Variants in OR3A2 observed in about 807,000 individuals in gnomAD.
The protein encoded by OR3A2 is olfactory receptor family 3 subfamily A member 2.
For missense variants in OR3A2, 318 were observed against 392.8 expected, an observed-to-expected ratio of 0.81 and a Z score of 1.61; for synonymous variants, 126 against 159.3, an observed-to-expected ratio of 0.79 and a Z score of 1.57.
At chr17:3,337,047 T>G (rs867459775) in intron 2 of OR3A2, among the ~76,000 whole-genome samples, 6 of 152,186 alleles carry the variant, frequency 3.9e-5, no homozygotes, top group Admixed American at 6.5e-5. Context: ...TTCATACCTC[T>G]TTCTGCTTCC....
intron 2 of OR3A2, among the ~76,000 whole-genome samples, chr17:3,367,963 G>A (rs536822375): frequency 3.3e-5 from 5 of 152,058 alleles, no homozygotes; most frequent in Non-Finnish European, 7.4e-5. Flanking sequence ...TTTCATTGTG[G>A]TTTTGATATG....
intron 2 of OR3A2, among the ~76,000 whole-genome samples, chr17:3,346,547 A>C (rs2049365006): frequency 6.6e-6 from 1 of 152,128 alleles, no homozygotes; most frequent in African/African-American, 2.4e-5. Context: ...CAATTATAGC[A>C]ATTATACTAT....
chr17:3,323,865 T>C (rs1411331185), intron 3 of OR3A2, among the ~76,000 whole-genome samples: 1 of 152,058 alleles, frequency 6.6e-6, no homozygotes, highest in African/African-American at 2.4e-5. Flanking sequence ...GGAGTATCTT[T>C]GTGGTGTTCT....
chr17:3,355,000 G>A (rs2150655996), intron 2 of OR3A2, among the ~76,000 whole-genome samples: 1 of 151,280 alleles, frequency 6.6e-6, no homozygotes, highest in Non-Finnish European at 1.5e-5. Flanking sequence ...CCTTCTCAAT[G>A]TTGTTATTGG....
chr17:3,355,061 G>C (rs937646483), intron 2 of OR3A2, among the ~76,000 whole-genome samples: 1 of 151,250 alleles, frequency 6.6e-6, no homozygotes, highest in African/African-American at 2.4e-5. Flanking sequence ...TGTTCATATA[G>C]TTCCAAAATT....
At chr17:3,370,055 G>T (rs2049599608) in intron 2 of OR3A2, among the ~76,000 whole-genome samples, 1 of 152,060 alleles carries the variant, frequency 6.6e-6, no homozygotes, top group Admixed American at 6.5e-5. Flanking sequence ...TGCCCATCTT[G>T]GCCTCCCAAA....
At chr17:3,371,671 A>G (rs1184687925) in intron 2 of OR3A2, among the ~76,000 whole-genome samples, 1 of 99,750 alleles carries the variant, frequency 1.0e-5, no homozygotes, top group African/African-American at 3.9e-5. Flanking sequence ...CACCTCCCGG[A>G]CGGGGCGGCT....
chr17:3,283,294 C>T (rs1299616615), intron 1 of OR3A2, among the ~76,000 whole-genome samples: 3 of 152,116 alleles, frequency 2.0e-5, no homozygotes, highest in Admixed American at 6.5e-5. Flanking sequence ...GGCATGACCT[C>T]GGCTCACTGC....
intron 3 of OR3A2, among the ~76,000 whole-genome samples, chr17:3,305,958 A>G (rs927564682): frequency 3.3e-5 from 5 of 152,210 alleles, no homozygotes; most frequent in African/African-American, 1.2e-4. Context: ...CCTGAAAAAT[A>G]GTACTGTGCT....
intron 2 of OR3A2, among the ~76,000 whole-genome samples, chr17:3,356,737 C>G (rs1567566353): frequency 6.6e-6 from 1 of 151,284 alleles, no homozygotes; most frequent in Non-Finnish European, 1.5e-5. Context: ...CTTTGTCCCA[C>G]TTAACAGACA....
At chr17:3,342,158 C>T (rs1020524284) in intron 2 of OR3A2, among the ~76,000 whole-genome samples, 3 of 152,128 alleles carry the variant, frequency 2.0e-5, no homozygotes, top group Non-Finnish European at 4.4e-5. Context: ...TCTAGTTAGC[C>T]ATTTGTCTAA....
chr17:3,370,024 G>C (rs189070930), intron 2 of OR3A2, among the ~76,000 whole-genome samples: 1 of 152,032 alleles, frequency 6.6e-6, no homozygotes, highest in Admixed American at 6.5e-5. Flanking sequence ...GGCTGGTCTC[G>C]AACTCATGAG....
chr17:3,374,872 C>T (rs1352628086), intron 2 of OR3A2, among the ~76,000 whole-genome samples: 1 of 151,450 alleles, frequency 6.6e-6, no homozygotes, highest in African/African-American at 2.4e-5. Context: ...CCCACCCTTT[C>T]CCCCAAGTCC....
chr17:3,367,418 C>T (rs1396483380), intron 2 of OR3A2, among the ~76,000 whole-genome samples: 1 of 144,398 alleles, frequency 6.9e-6, no homozygotes, highest in Non-Finnish European at 1.5e-5. Flanking sequence ...TATGCTTTTG[C>T]GTCCTCATAG....
chr17:3,297,151 T>G (rs1342347181), intron 3 of OR3A2, among the ~76,000 whole-genome samples: 1 of 152,210 alleles, frequency 6.6e-6, no homozygotes, highest in Non-Finnish European at 1.5e-5. Flanking sequence ...CATAAGGTGG[T>G]GGCTGTCGGA....
chr17:3,315,929 T>G (rs943443496), intron 3 of OR3A2, among the ~76,000 whole-genome samples: 1 of 152,162 alleles, frequency 6.6e-6, no homozygotes, highest in Non-Finnish European at 1.5e-5. Flanking sequence ...ATCTTGTCCA[T>G]CTCTCTTCAT....
chr17:3,353,170 G>C (rs905778071), intron 2 of OR3A2, among the ~76,000 whole-genome samples: 3 of 150,616 alleles, frequency 2.0e-5, no homozygotes, highest in Non-Finnish European at 4.4e-5. Context: ...AGTGTTGCCA[G>C]GTTGCTTTCC....
chr17:3,329,196 G>C (rs1185940864), intron 3 of OR3A2, among the ~76,000 whole-genome samples: 2 of 151,802 alleles, frequency 1.3e-5, no homozygotes, highest in African/African-American at 2.4e-5. Context: ...ACTCTGCCCG[G>C]CTTTGGTATC....
exon 2 of OR3A2, chr17:3,277,411 A>G (rs2048745622): frequency 6.5e-6 from 1 of 152,702 alleles, no homozygotes; most frequent in Non-Finnish European, 1.5e-5. Context: ...ATTTTCCCCT[A>G]TTCTGATCTG....
Sources: allele counts gnomAD v4.1 joint callset (sites outside exome capture counted in the v4.1 genomes callset), GRCh38; gene constraint gnomAD v4.1.1; transcripts MANE v1.5; gene names NCBI Gene and HGNC (gene_info 2026-07-23, HGNC 2026-07-21).